Variants in METTL15 observed in about 807,000 individuals in gnomAD.
METTL15 encodes the protein 12S rRNA N(4)-cytidine methyltransferase METTL15.
METTL15 carries 34 observed loss-of-function variants against 38.3 expected under a neutral mutation model. The observed-to-expected ratio is 0.89, with a 90% CI of 0.68 to 1.18. The LOEUF is 1.18. METTL15 is among the 50% of genes most tolerant of loss of function. The probability of loss-of-function intolerance (pLI) is 0.00; values close to 1 mark genes in which losing one functional copy is unlikely to be tolerated. For missense variants in METTL15, 438 were observed against 498.4 expected, an observed-to-expected ratio of 0.88 and a Z score of 1.15; for synonymous variants, 162 against 170.9, an observed-to-expected ratio of 0.95 and a Z score of 0.41.
chr11:28,425,177 A>G (rs895573595), intron 6 of METTL15, among the ~76,000 whole-genome samples: 33 of 152,214 alleles, frequency 2.2e-4, no homozygotes, highest in African/African-American at 7.5e-4. Flanking sequence ...TGAAGTAGAA[A>G]GAGCAAGAAT....
chr11:28,233,108 A>G (rs1696007988), intron 4 of METTL15, among the ~76,000 whole-genome samples: 1 of 152,060 alleles, frequency 6.6e-6, no homozygotes, highest in Non-Finnish European at 1.5e-5. Flanking sequence ...AATTTCATGA[A>G]TATAGTTTTA....
chr11:28,247,712 G>A (rs1468841233), intron 4 of METTL15, among the ~76,000 whole-genome samples: 6 of 152,092 alleles, frequency 3.9e-5, no homozygotes, highest in Non-Finnish European at 7.4e-5. Flanking sequence ...TTGGGTTGCT[G>A]ATGTCTTTGT....
At chr11:28,283,189 C>T (rs1233600276) in intron 4 of METTL15, among the ~76,000 whole-genome samples, 4 of 152,050 alleles carry the variant, frequency 2.6e-5, no homozygotes, top group Non-Finnish European at 5.9e-5. Flanking sequence ...AAGTTAGTTC[C>T]AAATTCAAAG....
intron 3 of METTL15, among the ~76,000 whole-genome samples, chr11:28,190,760 T>A (rs1329745209): frequency 2.0e-5 from 3 of 151,276 alleles, no homozygotes; most frequent in Non-Finnish European, 4.5e-5. Context: ...AGGGAGACAA[T>A]GTTTACTTAG....
chr11:28,294,074 G>A (rs1484154375), intron 5 of METTL15, among the ~76,000 whole-genome samples: 1 of 152,038 alleles, frequency 6.6e-6, no homozygotes, highest in Non-Finnish European at 1.5e-5. Flanking sequence ...TTGCCCTGAC[G>A]AGAACTTCCA....
intron 6 of METTL15, among the ~76,000 whole-genome samples, chr11:28,321,879 T>C (rs1343543666): frequency 6.7e-6 from 1 of 150,346 alleles, no homozygotes. Flanking sequence ...TGGAACACAA[T>C]TGAGAATCCA....
At chr11:28,147,723 A>C (rs1849935516) in intron 3 of METTL15, among the ~76,000 whole-genome samples, 1 of 151,810 alleles carries the variant, frequency 6.6e-6, no homozygotes, top group East Asian at 1.9e-4. Flanking sequence ...AACACAGCAT[A>C]ATCTATCCTT....
chr11:28,309,884 G>T (rs1465659884), intron 6 of METTL15, among the ~76,000 whole-genome samples: 2 of 152,046 alleles, frequency 1.3e-5, no homozygotes, highest in Non-Finnish European at 2.9e-5. Context: ...GTCATCTCTT[G>T]TAAATATCCA....
At chr11:28,306,412 A>G (rs1340815464) in intron 6 of METTL15, among the ~76,000 whole-genome samples, 1 of 152,144 alleles carries the variant, frequency 6.6e-6, no homozygotes, top group Non-Finnish European at 1.5e-5. Context: ...AGTTATTCAG[A>G]AGCCTTAAGA....
At chr11:28,436,778 G>A (rs972054322) in intron 6 of METTL15, among the ~76,000 whole-genome samples, 14 of 152,268 alleles carry the variant, frequency 9.2e-5, no homozygotes, top group African/African-American at 3.4e-4. Context: ...TATACACTCA[G>A]TGTGATAGTT....
At chr11:28,394,895 A>G (rs1200825968) in intron 5 of METTL15, among the ~76,000 whole-genome samples, 2 of 152,092 alleles carry the variant, frequency 1.3e-5, no homozygotes, top group African/African-American at 4.8e-5. Flanking sequence ...GATACTTATT[A>G]AGTATAAGCA....
At chr11:28,236,736 G>A (rs1853998839) in intron 4 of METTL15, among the ~76,000 whole-genome samples, 1 of 152,100 alleles carries the variant, frequency 6.6e-6, no homozygotes. Flanking sequence ...GTAGTGGCTG[G>A]TACCAGTTGT....
chr11:28,450,198 G>A (rs1851108561), intron 6 of METTL15, among the ~76,000 whole-genome samples: 1 of 152,160 alleles, frequency 6.6e-6, no homozygotes. Flanking sequence ...CTAAGCCGAC[G>A]GAGGTCTTAG....
At chr11:28,299,088 T>C (rs956656617) in intron 6 of METTL15, among the ~76,000 whole-genome samples, 4 of 152,112 alleles carry the variant, frequency 2.6e-5, no homozygotes, top group African/African-American at 9.6e-5. Flanking sequence ...AGAGTTATGA[T>C]AGTATGGTCA....
intron 3 of METTL15, among the ~76,000 whole-genome samples, chr11:28,130,104 G>C (rs1646129441): frequency 6.6e-6 from 1 of 152,114 alleles, no homozygotes; most frequent in African/African-American, 2.4e-5. Context: ...GAGCTCAGGA[G>C]TTCGCGATTA....
chr11:28,432,421 T>C (rs1365631287), intron 6 of METTL15, among the ~76,000 whole-genome samples: 2 of 152,216 alleles, frequency 1.3e-5, no homozygotes, highest in South Asian at 2.1e-4. Context: ...TTCATGTTTA[T>C]TACTCTTTTC....
At chr11:28,478,445 C>G (rs1851365829) in intron 6 of METTL15, among the ~76,000 whole-genome samples, 1 of 152,186 alleles carries the variant, frequency 6.6e-6, no homozygotes, top group Admixed American at 6.5e-5. Flanking sequence ...GAGTCTGTGG[C>G]CTCAATCGTG....
At chr11:28,310,170 G>GAAAC (rs1410625809) in intron 6 of METTL15, among the ~76,000 whole-genome samples, 7 of 152,134 alleles carry the variant, frequency 4.6e-5, no homozygotes, top group Admixed American at 6.5e-5. Context: ...TGTGAGCCAG[G>GAAAC]AAACTTAGAA....
At chr11:28,240,111 C>G (rs7952717) in intron 4 of METTL15, among the ~76,000 whole-genome samples, 2 of 152,022 alleles carry the variant, frequency 1.3e-5, no homozygotes, top group South Asian at 4.2e-4. Flanking sequence ...ATCTATTGCA[C>G]TATAAATGAT....
Sources: allele counts gnomAD v4.1 joint callset (sites outside exome capture counted in the v4.1 genomes callset), GRCh38; gene constraint gnomAD v4.1.1; transcripts MANE v1.5; gene names NCBI Gene and HGNC (gene_info 2026-07-23, HGNC 2026-07-21).